Variants in ARNT2 observed in about 807,000 individuals in gnomAD.
The protein encoded by ARNT2 is ARNT protein 2.
ARNT2 carries 36 observed loss-of-function variants against 91.7 expected under a neutral mutation model. The observed-to-expected ratio is 0.39, with a 90% CI of 0.30 to 0.52. The LOEUF (loss-of-function observed/expected upper bound fraction) is 0.52, where lower values mean the gene tolerates loss of function less well. Ranked by LOEUF, ARNT2 falls within the 20% of genes least tolerant of loss-of-function variation. ARNT2 has a pLI of 0.72. For synonymous variants in ARNT2, 365 were observed against 347.1 expected (o/e 1.05, Z -0.57); for missense variants, 775 against 939.3 (o/e 0.83, Z 2.29).
At chr15:80,410,912 C>T (rs1895673043) in intron 1 of ARNT2, among the ~76,000 whole-genome samples, 1 of 152,062 alleles carries the variant, frequency 6.6e-6, no homozygotes, top group Non-Finnish European at 1.5e-5. Flanking sequence ...GACTAGCTCA[C>T]CACACGAAAC....
intron 12 of ARNT2, among the ~76,000 whole-genome samples, chr15:80,572,303 C>T (rs1898598520): frequency 6.6e-6 from 1 of 152,116 alleles, no homozygotes; most frequent in East Asian, 1.9e-4. Flanking sequence ...CAGATTCTCA[C>T]CAAGCCTGTG....
chr15:80,539,541 G>A (rs901269819), intron 8 of ARNT2, among the ~76,000 whole-genome samples: 1 of 152,168 alleles, frequency 6.6e-6, no homozygotes, highest in Non-Finnish European at 1.5e-5. Flanking sequence ...TGAAGAATCT[G>A]AGAGGAATGC....
At chr15:80,542,340 C>T (rs954989698) in intron 8 of ARNT2, among the ~76,000 whole-genome samples, 43 of 152,188 alleles carry the variant, frequency 2.8e-4, no homozygotes, top group African/African-American at 1.0e-3. Flanking sequence ...ATCTTAGGGC[C>T]CCCATCAAGT....
chr15:80,558,465 G>A (rs145787753), intron 11 of ARNT2, among the ~76,000 whole-genome samples: 42 of 150,542 alleles, frequency 2.8e-4, no homozygotes, highest in Non-Finnish European at 4.9e-4. Context: ...TCAGCCTCCC[G>A]AGTAGCTGGG....
chr15:80,420,043 G>T (rs1895840131), intron 1 of ARNT2, among the ~76,000 whole-genome samples: 1 of 152,064 alleles, frequency 6.6e-6, no homozygotes, highest in South Asian at 2.1e-4. Context: ...TATGCAACCA[G>T]CCATCCACGT....
At chr15:80,456,462 A>G (rs933081592) in intron 2 of ARNT2, among the ~76,000 whole-genome samples, 5 of 152,190 alleles carry the variant, frequency 3.3e-5, no homozygotes, top group African/African-American at 1.2e-4. Flanking sequence ...GGTCATTCCA[A>G]ACAAAATAAG....
intron 5 of ARNT2, among the ~76,000 whole-genome samples, chr15:80,503,839 G>A (rs141276055): frequency 2.2e-4 from 33 of 152,200 alleles, no homozygotes; most frequent in Middle Eastern, 3.2e-3. Context: ...AAAGATGTAC[G>A]TACCAGTAGT....
rs1567011460 is a variant in ARNT2, at chr15:80,595,422, G to A, written c.*1724G>A. On this transcript the variant is annotated 3_prime_UTR_variant, in exon 19 of 19. Transcript: ENST00000303329. ...AGAGTGGCATTGGTTCTAGGAACCTGAGAGTGGAGTGAGGCCAGCATGCAG... is the reference window on the plus strand; with the variant it reads ...AGAGTGGCATTGGTTCTAGGAACCTAAGAGTGGAGTGAGGCCAGCATGCAG... The A allele has an allele frequency of 6.6e-6, 1 of 152,296 alleles. No individual in the cohort carries two copies. The highest frequency in any genetic ancestry group is 1.9e-4 in the East Asian group (1 of 5,186). The allele number at this position is 152,296 out of a possible 1,614,324, so 9.4% of individuals were successfully genotyped here. A position where few individuals can be genotyped will look rare whatever the true frequency, so the allele number is the denominator to read the frequency against.
chr15:80,563,204 G>A lies in ARNT2; in HGVS notation c.1281G>A (p.Glu427=). 1 of 1,614,192 alleles carries A rather than the reference G, an allele frequency of 6.2e-7. No homozygotes were observed. The highest frequency in any genetic ancestry group is 2.2e-5 in the East Asian group (1 of 44,880). The change falls in exon 12 of 19, where the codon GAG becomes GAA. Residue 427 remains glutamate, a synonymous_variant. Transcript: ENST00000303329. ...CATTCCAGAATCCCTATTCTGATGA[G>A]ATTGAGTACATCATCTGCACCAACA... ...SFTFQNPYSD[E]IEYIICTNTN... is the part of the protein sequence containing the mutation.
chr15:80,592,383 C>A (rs529140587), intron 18 of ARNT2, among the ~76,000 whole-genome samples: 3 of 152,310 alleles, frequency 2.0e-5, no homozygotes, highest in East Asian at 1.9e-4. Flanking sequence ...AATGGAGGTA[C>A]GAGCCCATTA....
At chr15:80,573,039 C>A (rs1182685672) in intron 12 of ARNT2, among the ~76,000 whole-genome samples, 1 of 152,338 alleles carries the variant, frequency 6.6e-6, no homozygotes, top group East Asian at 1.9e-4. Context: ...AGGATGACCA[C>A]CTGGGAGCGT....
intron 18 of ARNT2, among the ~76,000 whole-genome samples, chr15:80,592,289 G>A (rs1366732324): frequency 6.6e-6 from 1 of 152,234 alleles, no homozygotes; most frequent in East Asian, 1.9e-4. Flanking sequence ...TGGCACTGCT[G>A]CAGCCCCACA....
At chr15:80,422,174 C>A (rs1198522901) in intron 1 of ARNT2, among the ~76,000 whole-genome samples, 1 of 152,094 alleles carries the variant, frequency 6.6e-6, no homozygotes, top group African/African-American at 2.4e-5. Context: ...AGAGAAGAGG[C>A]TGATACTTTT....
intron 3 of ARNT2, among the ~76,000 whole-genome samples, chr15:80,466,507 C>T (rs932812615): frequency 1.1e-4 from 17 of 152,166 alleles, no homozygotes; most frequent in East Asian, 9.6e-4. Flanking sequence ...GTGGTACACA[C>T]GCAAGTCACA....
At chr15:80,410,792 CTAT>C (rs1567172792) in intron 1 of ARNT2, among the ~76,000 whole-genome samples, 1 of 149,970 alleles carries the variant, frequency 6.7e-6, no homozygotes, top group East Asian at 2.0e-4. Flanking sequence ...ATCTATCTAT[CTAT>C]CTATCTATCT....
intron 8 of ARNT2, among the ~76,000 whole-genome samples, chr15:80,525,058 T>G (rs530337778): frequency 7.0e-6 from 1 of 142,514 alleles, no homozygotes; most frequent in South Asian, 2.1e-4. Context: ...GTTGGCTACT[T>G]TTTCTTTTCT....
intron 17 of ARNT2, among the ~76,000 whole-genome samples, chr15:80,583,791 T>C (rs1018194177): frequency 1.3e-5 from 2 of 152,234 alleles, no homozygotes; most frequent in Admixed American, 6.5e-5. Flanking sequence ...TCTGAGACTG[T>C]GTTCCCATCC....
chr15:80,524,496 AAAGAATTGG>A (rs1759245635), intron 8 of ARNT2, among the ~76,000 whole-genome samples: 1 of 152,208 alleles, frequency 6.6e-6, no homozygotes, highest in Non-Finnish European at 1.5e-5. Flanking sequence ...TTTCAATGGT[AAAGAATTGG>A]TTAAAAATAG....
At chr15:80,419,155 A>G (rs906567670) in intron 1 of ARNT2, among the ~76,000 whole-genome samples, 2 of 152,046 alleles carry the variant, frequency 1.3e-5, no homozygotes, top group African/African-American at 4.8e-5. Context: ...AGGGATCACC[A>G]GGAGGGCTTG....
Sources: gnomAD v4.1 joint callset for allele counts (sites outside exome capture counted in the v4.1 genomes callset) on GRCh38, gnomAD v4.1.1 for gene constraint, MANE v1.5 for transcripts, NCBI Gene and HGNC (gene_info 2026-07-23, HGNC 2026-07-21) for gene names.